Variants in DNAJB6 observed in about 807,000 individuals in gnomAD.
DNAJB6 encodes the protein DnaJ heat shock protein family (Hsp40) member B6.
DNAJB6 carries 16 observed loss-of-function variants against 42.7 expected under a neutral mutation model. The observed-to-expected ratio is 0.37, with a 90% CI of 0.25 to 0.57. The LOEUF (loss-of-function observed/expected upper bound fraction) is 0.57. DNAJB6 is among the 20% of genes least tolerant of loss of function. The pLI is 0.74. For synonymous variants in DNAJB6, 170 were observed against 163.5 expected, an observed-to-expected ratio of 1.04 and a Z score of -0.30; for missense variants, 347 against 416.8, an observed-to-expected ratio of 0.83 and a Z score of 1.46.
At chr7:157,375,751 G>T (rs980636083) in intron 5 of DNAJB6, among the ~76,000 whole-genome samples, 12 of 152,226 alleles carry the variant, frequency 7.9e-5, no homozygotes, top group Non-Finnish European at 1.2e-4. Context: ...TAATAAATGA[G>T]TGCCTGGTTT....
chr7:157,349,092 C>T (rs1277879653), intron 1 of DNAJB6, among the ~76,000 whole-genome samples: 1 of 148,012 alleles, frequency 6.8e-6, no homozygotes, highest in African/African-American at 2.5e-5. Context: ...TTGTTGCTCA[C>T]GCTTATCTGG....
chr7:157,410,192 C>T, intron 9 of DNAJB6, 191 bp downstream of exon 9: 1 of 1,344,478 alleles, frequency 7.4e-7, no homozygotes, highest in Middle Eastern at 2.7e-4. Flanking sequence ...GCCACGGTGG[C>T]TCCGGGCCCC....
chr7:157,344,979 T>C (rs1003190761), intron 1 of DNAJB6, among the ~76,000 whole-genome samples: 2 of 152,024 alleles, frequency 1.3e-5, no homozygotes, highest in African/African-American at 4.8e-5. Context: ...AACTTTAAAG[T>C]TTTTTGTTTA....
In DNAJB6 at chr7:157,417,080, C is replaced by G. The variant is rs1796122416; in HGVS notation, c.*982C>G. ...CTGCATGCTCCCTCCCAGTGACTTTCCTTCCCTTTCACATGAGGATCTGCC... is the reference window on the plus strand; with the variant it reads ...CTGCATGCTCCCTCCCAGTGACTTTGCTTCCCTTTCACATGAGGATCTGCC... On this transcript the variant is annotated 3_prime_UTR_variant, in exon 10 of 10. Coordinates refer to ENST00000262177, the MANE Select transcript of DNAJB6 (RefSeq NM_058246.4). The G allele has an allele frequency of 6.6e-6, 1 of 152,282 alleles. No homozygotes were observed. Among genetic ancestry groups the G allele is most frequent in the Non-Finnish European group, 1.5e-5 (1 of 68,052 alleles). 9.4% of individuals were successfully genotyped at this position (152,282 alleles called of 1,614,324 possible).
intron 1 of DNAJB6, among the ~76,000 whole-genome samples, chr7:157,352,244 G>A (rs1428811877): frequency 4.0e-5 from 6 of 151,874 alleles, no homozygotes; most frequent in African/African-American, 4.8e-5. Context: ...CAGGAAAGTC[G>A]CTTGAACCAG....
chr7:157,389,679 T>C (rs756491735), intron 8 of DNAJB6, among the ~76,000 whole-genome samples: 2 of 152,182 alleles, frequency 1.3e-5, no homozygotes, highest in East Asian at 1.9e-4. Flanking sequence ...AGTCTGTCAT[T>C]TGGCTACGTT....
chr7:157,383,601 G>A (rs1800895433), intron 6 of DNAJB6, among the ~76,000 whole-genome samples: 1 of 105,608 alleles, frequency 9.5e-6, no homozygotes, highest in South Asian at 3.0e-4. Flanking sequence ...AGTGGCTCCT[G>A]TATGTGTGTT....
At chr7:157,350,252 G>A (rs1038281521) in intron 1 of DNAJB6, among the ~76,000 whole-genome samples, 3 of 152,182 alleles carry the variant, frequency 2.0e-5, no homozygotes, top group Admixed American at 2.0e-4. Flanking sequence ...TTGCTCAGAG[G>A]GGAGGGACCA....
At chr7:157,345,513 T>C (rs1476968906) in intron 1 of DNAJB6, among the ~76,000 whole-genome samples, 1 of 151,898 alleles carries the variant, frequency 6.6e-6, no homozygotes, top group Non-Finnish European at 1.5e-5. Flanking sequence ...GATGGTGTCT[T>C]ACTGTGTTGC....
At chr7:157,404,513 TTTC>T (rs1306240150) in intron 8 of DNAJB6, among the ~76,000 whole-genome samples, 1 of 144,072 alleles carries the variant, frequency 6.9e-6, no homozygotes, top group African/African-American at 2.8e-5. Flanking sequence ...TCTTTTTTCT[TTTC>T]TTTTTTTTTT....
intron 4 of DNAJB6, among the ~76,000 whole-genome samples, chr7:157,366,842 T>C (rs1799870720): frequency 6.6e-6 from 1 of 152,368 alleles, no homozygotes; most frequent in African/African-American, 2.4e-5. Flanking sequence ...CTTGACGTTA[T>C]GTCAAAATAT....
chr7:157,406,923 G>T (rs1218160983), intron 8 of DNAJB6, among the ~76,000 whole-genome samples: 1 of 152,238 alleles, frequency 6.6e-6, no homozygotes, highest in African/African-American at 2.4e-5. Context: ...TCCGTGGTGG[G>T]AGGAGGCTGG....
chr7:157,397,323 C>G (rs1245766678), intron 8 of DNAJB6, among the ~76,000 whole-genome samples: 1 of 152,196 alleles, frequency 6.6e-6, no homozygotes, highest in African/African-American at 2.4e-5. Context: ...ACTGAAGAGC[C>G]AGACCCAGTC....
Position 157,386,299 on chromosome 7 carries a change from T to C in DNAJB6, c.691+688T>C, listed in dbSNP as rs57227525. The C allele has an allele frequency of 6.0e-5, 59 of 985,114 alleles. No individual in the cohort carries two copies. The East Asian group carries it at 5.9e-3, about 99-fold the overall frequency. The allele number at this position is 985,114 out of a possible 1,614,324, so 61.0% of individuals were successfully genotyped here. ...AAGAAAATAAATGCGAATGTGTTGG[T>C]GCATTCTTCCTGAGTGGGATCTGGA... On this transcript the variant is annotated intron_variant, in intron 8 of 9. Coordinates refer to ENST00000262177, the MANE Select transcript of DNAJB6 (RefSeq NM_058246.4).
At chr7:157,340,982 G>GTA (rs1798333690) in intron 1 of DNAJB6, among the ~76,000 whole-genome samples, 1 of 103,022 alleles carries the variant, frequency 9.7e-6, no homozygotes, top group African/African-American at 4.7e-5. Flanking sequence ...GTGTGTGTGT[G>GTA]TGTGTGTGTG....
At chr7:157,405,968 C>T (rs1004783220) in intron 8 of DNAJB6, among the ~76,000 whole-genome samples, 2 of 152,262 alleles carry the variant, frequency 1.3e-5, no homozygotes, top group African/African-American at 4.8e-5. Context: ...GTGATGGCTT[C>T]GCCTGGCAGT....
At chr7:157,389,177 TATTA>T (rs768771465) in intron 8 of DNAJB6, among the ~76,000 whole-genome samples, 1 of 152,382 alleles carries the variant, frequency 6.6e-6, no homozygotes, top group East Asian at 1.9e-4. Flanking sequence ...AATTTCTGTT[TATTA>T]ATTAGAGCTT....
intron 1 of DNAJB6, among the ~76,000 whole-genome samples, chr7:157,343,597 C>T (rs545879931): frequency 1.2e-4 from 18 of 152,176 alleles, no homozygotes; most frequent in African/African-American, 2.9e-4. Flanking sequence ...GAACTACAGG[C>T]GCCACCACGT....
chr7:157,342,876 A>G (rs1314072749), intron 1 of DNAJB6, among the ~76,000 whole-genome samples: 1 of 152,112 alleles, frequency 6.6e-6, no homozygotes, highest in East Asian at 1.9e-4. Context: ...TGTTTCAGAA[A>G]TATTTTAGGA....
Sources: gnomAD v4.1 joint callset for allele counts (sites outside exome capture counted in the v4.1 genomes callset) on GRCh38, gnomAD v4.1.1 for gene constraint, MANE v1.5 for transcripts, NCBI Gene and HGNC (gene_info 2026-07-23, HGNC 2026-07-21) for gene names.